Variants in ITGB3 observed in about 807,000 individuals in gnomAD.
ITGB3 encodes the protein integrin subunit beta 3.
Under a neutral mutation model 85.8 loss-of-function variants are expected in ITGB3, and 48 were observed. The observed-to-expected ratio is 0.56, with a 90% CI of 0.44 to 0.71. ITGB3 has a LOEUF of 0.71. Among genes scored for constraint, ITGB3 ranks in the 30% least tolerant of loss-of-function variants. The pLI is 0.00. For missense variants in ITGB3, 861 were observed against 1,019.1 expected (o/e 0.84, Z 2.11); for synonymous variants, 363 against 395.6 (o/e 0.92, Z 0.98).
chr17:47,262,224 C>T (rs760714731), intron 1 of ITGB3, among the ~76,000 whole-genome samples: 4 of 152,228 alleles, frequency 2.6e-5, no homozygotes, highest in Non-Finnish European at 4.4e-5. Context: ...GCACCGCGGC[C>T]TGCTGTCCAC....
At chr17:47,287,523 T>C (rs2065107339) in intron 6 of ITGB3, among the ~76,000 whole-genome samples, 2 of 152,168 alleles carry the variant, frequency 1.3e-5, no homozygotes, top group African/African-American at 2.4e-5. Context: ...ACAACCCAGC[T>C]GGAAAGCAGG....
intron 13 of ITGB3, among the ~76,000 whole-genome samples, chr17:47,306,673 CATTTATTT>C (rs960919469): frequency 1.3e-5 from 2 of 151,874 alleles, no homozygotes; most frequent in Admixed American, 6.6e-5. Flanking sequence ...ATTTCTTATT[CATTTATTT>C]ATTTATTTAT....
At chr17:47,256,193 C>T (rs574280816) in intron 1 of ITGB3, among the ~76,000 whole-genome samples, 111 of 152,152 alleles carry the variant, frequency 7.3e-4, no homozygotes, top group African/African-American at 2.3e-3. Context: ...TGGTCAGGCA[C>T]GGTGGCTCAC....
In ITGB3 at chr17:47,310,845, A is replaced by G. The variant is rs1427654304; in HGVS notation, c.*641A>G. 6.1e-6 allele frequency: 1 copy of G among 163,722 alleles called. No homozygotes were observed. The highest frequency in any genetic ancestry group is 1.4e-5 in the Non-Finnish European group (1 of 73,430). 10.1% of individuals were successfully genotyped at this position (163,722 alleles called of 1,614,324 possible). ...CTCAACCCAGCTATGGTTCTCTCGC[A>G]AGGGAAGTCCTTGCAAGCTAATTCT... On this transcript the variant is annotated 3_prime_UTR_variant, in exon 15 of 15. Transcript: ENST00000559488.
At chr17:47,266,702 T>C (rs946047446) in intron 1 of ITGB3, among the ~76,000 whole-genome samples, 2 of 152,172 alleles carry the variant, frequency 1.3e-5, no homozygotes, top group Non-Finnish European at 2.9e-5. Context: ...CTCAGCCTCC[T>C]GAGTAGCTGG....
intron 11 of ITGB3, among the ~76,000 whole-genome samples, chr17:47,300,100 AG>A (rs1042488919): frequency 6.6e-6 from 1 of 152,200 alleles, no homozygotes; most frequent in African/African-American, 2.4e-5. Flanking sequence ...TCTTTGAACA[AG>A]GGAGCTGACA....
chr17:47,309,910 A>G (rs866353155), intron 14 of ITGB3, among the ~76,000 whole-genome samples: 1 of 151,900 alleles, frequency 6.6e-6, no homozygotes, highest in Admixed American at 6.6e-5. Flanking sequence ...AAAAAAAAAA[A>G]AAAAGAAACG....
At position 47,299,734 on chromosome 17, in the gene ITGB3, C is replaced by T. The variant is rs940210131; in HGVS notation, c.1913+204C>T. Among the ~76,000 whole-genome samples the T allele has an allele frequency of 3.3e-5, 5 of 152,326 alleles. No homozygotes were observed. The highest frequency in any genetic ancestry group is 9.6e-5 in the African/African-American group (4 of 41,580). On this transcript the variant is annotated intron_variant, in intron 11 of 14. Transcript: ENST00000559488. The surrounding 1 kb of genome is among the most constrained non-coding windows in gnomAD (Gnocchi z 5.1). ...CAACTGTGAAGGAGCCAAAGTTGAA[C>T]GAGCTGGACTTCGATTGAGAATGTC...
intron 1 of ITGB3, among the ~76,000 whole-genome samples, chr17:47,267,508 C>A (rs560995956): frequency 3.9e-5 from 6 of 152,336 alleles, no homozygotes; most frequent in African/African-American, 1.2e-4. Context: ...CTTTTAACCA[C>A]TGCATTCCAG....
intron 14 of ITGB3, among the ~76,000 whole-genome samples, chr17:47,309,457 C>T (rs538643771): frequency 1.6e-4 from 24 of 152,276 alleles, no homozygotes; most frequent in African/African-American, 5.8e-4. Flanking sequence ...TGTCCCTTGT[C>T]CACATCTCCT....
rs561544636 is a variant in ITGB3, at chr17:47,277,054, C to T, written c.165+2550C>T. 2.0e-5 allele frequency among the ~76,000 whole-genome samples: 3 copies of T among 152,232 alleles called. No homozygotes were observed. In the East Asian group the frequency reaches 5.8e-4, roughly 29 times the overall value. On this transcript the variant is annotated intron_variant, in intron 2 of 14. Transcript: ENST00000559488. ...AGAGCTTGGCTGGGTAAGAGGAAAACAGCCAACGTGGATGAGCACGGAGTT... is the reference window on the plus strand; with the variant it reads ...AGAGCTTGGCTGGGTAAGAGGAAAATAGCCAACGTGGATGAGCACGGAGTT...
intron 1 of ITGB3, among the ~76,000 whole-genome samples, chr17:47,268,680 C>G (rs1264299390): frequency 6.6e-6 from 1 of 152,212 alleles, no homozygotes; most frequent in African/African-American, 2.4e-5. Context: ...CAGCCTCTCT[C>G]CCAGCCACTT....
chr17:47,255,708 C>A (rs544637490), intron 1 of ITGB3, among the ~76,000 whole-genome samples: 3 of 152,338 alleles, frequency 2.0e-5, no homozygotes, highest in African/African-American at 7.2e-5. Flanking sequence ...GCGTGAGCCA[C>A]CGCACCCGGC....
intron 11 of ITGB3, 33 bp from the exon 12 acceptor site, chr17:47,300,444 CT>C: frequency 6.5e-7 from 1 of 1,530,864 alleles, no homozygotes; most frequent in Non-Finnish European, 9.1e-7. Flanking sequence ...CTTGCTCCTT[CT>C]TTGCCTTAAT....
chr17:47,284,027 G>C (rs1235917414), intron 3 of ITGB3, among the ~76,000 whole-genome samples: 1 of 152,140 alleles, frequency 6.6e-6, no homozygotes, highest in Non-Finnish European at 1.5e-5. Context: ...AAATTTTGAA[G>C]CATTGATTTT....
Position 47,284,802 on chromosome 17 carries a change from CA to C in ITGB3, c.614+110del. 5 of 1,427,500 alleles carry C rather than the reference CA, an allele frequency of 3.5e-6. No individual in the cohort carries two copies. The East Asian group carries it at 1.1e-4, about 32-fold the overall frequency. The allele number at this position is 1,427,500 out of a possible 1,614,324, so 88.4% of individuals were successfully genotyped here. A position where few individuals can be genotyped will look rare whatever the true frequency, so the allele number is the denominator to read the frequency against. On this transcript the variant is annotated intron_variant, in intron 4 of 14. Coordinates refer to ENST00000559488, the MANE Select transcript of ITGB3 (RefSeq NM_000212.3). ...ATCACTTTGTTGGCTGTCTTCTTGC[CA>C]AACTATAGCTCCTTTCTACCTTGGT...
Position 47,307,471 on chromosome 17 carries a change from A to G in ITGB3, c.2135A>G (p.Glu712Gly), listed in dbSNP as rs1167838887. ...KSILYVVEEP[E>G]CPKGPDILVV... ...CCTGCTCTGTGCTTCTTCCTCACAG[A>G]GTGTCCCAAGGGCCCTGACATCCTG... is the stretch of plus-strand genomic sequence containing the variant. The change falls in exon 14 of 15, where the codon GAG (glutamate) becomes GGG (glycine). Residue 712 changes from glutamate (E) to glycine (G), a missense_variant and splice_region_variant. Coordinates refer to ENST00000559488, the MANE Select transcript of ITGB3 (RefSeq NM_000212.3). 6.2e-7 allele frequency: 1 copy of G among 1,613,930 alleles called. No individual in the cohort carries two copies. The highest frequency in any genetic ancestry group is 1.7e-5 in the Admixed American group (1 of 60,014).
At position 47,304,980 on chromosome 17, in the gene ITGB3, T is replaced by C. The variant is rs1044835063; in HGVS notation, c.2134+2140T>C. On this transcript the variant is annotated intron_variant, in intron 13 of 14. Coordinates refer to ENST00000559488, the MANE Select transcript of ITGB3 (RefSeq NM_000212.3). ...TTCTCTGACCTTGGGTCATTTGCCA[T>C]TGGTCCACCGCTGTGGCTGGAAGGG... Among the ~76,000 whole-genome samples the C allele has an allele frequency of 4.6e-5, 7 of 152,168 alleles. 1 individual carries two copies. The South Asian group carries it at 8.3e-4, about 18-fold the overall frequency.
Position 47,300,340 on chromosome 17 carries a change from C to CGTGT in ITGB3, c.1914-137_1914-136insTGTG, listed in dbSNP as rs781123948. ...TCCCCAGGATTGTCTTACAGGCGCG[C>CGTGT]GCGCGCGTGTGTGTGTGTGTGTGTG... On this transcript the variant is annotated intron_variant, in intron 11 of 14. Transcript: ENST00000559488. 725 of 507,898 alleles carry CGTGT rather than the reference C, an allele frequency of 1.4e-3. 1 individual carries two copies. Among genetic ancestry groups the CGTGT allele is most frequent in the Non-Finnish European group, 2.0e-3 (587 of 292,092 alleles). The allele number at this position is 507,898 out of a possible 1,614,324, so 31.5% of individuals were successfully genotyped here. A position where few individuals can be genotyped will look rare whatever the true frequency, so the allele number is the denominator to read the frequency against.
Sources: allele counts gnomAD v4.1 joint callset (sites outside exome capture counted in the v4.1 genomes callset), GRCh38; gene constraint gnomAD v4.1.1; non-coding constraint Gnocchi (gnomAD v3.1); transcripts MANE v1.5; gene names NCBI Gene and HGNC (gene_info 2026-07-23, HGNC 2026-07-21).